The following CEBPZOS variants were observed in gnomAD, a reference collection of about 807,000 sequenced individuals.
CEBPZOS encodes protein CEBPZOS.
Under a neutral mutation model 4.8 loss-of-function variants are expected in CEBPZOS, and 10 were observed. The ratio of observed to expected loss-of-function variants is 2.07; its 90% CI spans 1.28 to 3.52. CEBPZOS has a LOEUF of 3.52. Among genes scored for constraint, CEBPZOS ranks in the 30% most tolerant of loss-of-function variants. CEBPZOS has a pLI of 0.00. For synonymous variants in CEBPZOS, 25 were observed against 14.2 expected, an observed-to-expected ratio of 1.77 and a Z score of -1.72; for missense variants, 98 against 43.6, an observed-to-expected ratio of 2.25 and a Z score of -3.51.
intron 4 of CEBPZOS, chr2:37,212,164 G>A (rs1489707099): frequency 2.0e-6 from 2 of 998,500 alleles, no homozygotes; most frequent in Non-Finnish European, 3.0e-6. Context: ...ACTGCTCAGA[G>A]TAAATAATAA....
chr2:37,214,863 T>C, downstream of CEBPZOS: 1 of 1,488,784 alleles, frequency 6.7e-7, no homozygotes, highest in Non-Finnish European at 9.2e-7. Context: ...TTTCCCCAAA[T>C]GAAACTATAT....
Position 37,201,692 on chromosome 2 carries a change from G to C in CEBPZOS, c.211G>C (p.Asp71His). The C allele has an allele frequency of 4.3e-6, 4 of 928,404 alleles. No individual in the cohort carries two copies. Among genetic ancestry groups the C allele is most frequent in the Non-Finnish European group, 6.9e-6 (4 of 577,462 alleles). The allele number at this position is 928,404 out of a possible 1,614,324, so 57.5% of individuals were successfully genotyped here. A position where few individuals can be genotyped will look rare whatever the true frequency, so the allele number is the denominator to read the frequency against. The stretch of plus-strand genomic sequence containing the variant: ...TGGAATGTATGGAATCAGAGAGCTA[G>C]ATCAAAAAACATGGTTGAACAGCAA... ...KSGMYGIREL[D>H]QKTWLNSKN is the part of the protein sequence containing the mutation. Residue 71 changes from aspartate (D) to histidine (H), a missense_variant, in exon 4 of 5, where the codon GAT (aspartate) becomes CAT (histidine). Physicochemically the swap from Asp to His is moderately conservative, Grantham distance 81 (BLOSUM62 -1). Coordinates refer to ENST00000402297, the MANE Select transcript of CEBPZOS (RefSeq NM_001322374.2).
At chr2:37,198,280 A>G (rs1449219591) in intron 1 of CEBPZOS, among the ~76,000 whole-genome samples, 1 of 152,100 alleles carries the variant, frequency 6.6e-6, no homozygotes, top group Non-Finnish European at 1.5e-5. Context: ...CCTTCCCACC[A>G]CTCAACTGCC....
At chr2:37,209,184 G>C (rs1470486695), downstream of CEBPZOS, 1 of 152,054 alleles carries the variant, frequency 6.6e-6, no homozygotes, top group South Asian at 2.1e-4. Context: ...GTTCATGGAT[G>C]GGTAGAATCG....
chr2:37,200,916 A>G (rs1677195964), intron 2 of CEBPZOS, 132 bp from the exon 3 acceptor site: 1 of 592,182 alleles, frequency 1.7e-6, no homozygotes, highest in Non-Finnish European at 3.1e-6. Flanking sequence ...ATTACCAGAA[A>G]GACCTTCAAA....
chr2:37,198,716 A>G (rs1677068874), intron 1 of CEBPZOS: 1 of 152,234 alleles, frequency 6.6e-6, no homozygotes, highest in Non-Finnish European at 1.5e-5. Context: ...TTAATTTGAA[A>G]AAGAATAATG....
At chr2:37,214,438 A>T (rs746522265), downstream of CEBPZOS, among the ~76,000 whole-genome samples, 2 of 152,156 alleles carry the variant, frequency 1.3e-5, no homozygotes, top group Non-Finnish European at 2.9e-5. Flanking sequence ...TAAATTACCC[A>T]TGAGTTATCA....
downstream of CEBPZOS, among the ~76,000 whole-genome samples, chr2:37,206,919 A>G (rs895174743): frequency 6.6e-6 from 1 of 152,258 alleles, no homozygotes; most frequent in South Asian, 2.1e-4. Context: ...CACGTAACAC[A>G]TAAGGACTCA....
In CEBPZOS at chr2:37,203,529, A is replaced by C. The variant is rs556405794; in HGVS notation, c.*1669A>C. ...CCTGAAACAATTATTCAAACTCTGCATCTTTGATATCAATGTCTCTAGCAG... is the reference window on the plus strand; with the variant it reads ...CCTGAAACAATTATTCAAACTCTGCCTCTTTGATATCAATGTCTCTAGCAG... On this transcript the variant is annotated 3_prime_UTR_variant, in exon 5 of 5. Transcript: ENST00000402297. 4 of 152,392 alleles carry C rather than the reference A, an allele frequency of 2.6e-5. No individual in the cohort carries two copies. The highest frequency in any genetic ancestry group is 2.6e-4 in the Admixed American group (4 of 15,302). 9.4% of individuals were successfully genotyped at this position (152,392 alleles called of 1,614,324 possible).
chr2:37,199,815 C>T lies in CEBPZOS; in HGVS notation c.111C>T (p.Ser37=). 2.8e-6 allele frequency: 2 copies of T among 717,356 alleles called. No individual in the cohort carries two copies. The highest frequency in any genetic ancestry group is 5.2e-6 in the Non-Finnish European group (2 of 384,946). 44.4% of individuals were successfully genotyped at this position (717,356 alleles called of 1,614,324 possible). ...TTTTGTTTAGCAAGATGCACACAAG[C>T]CAAGGTAATCATAATTCAGAAGTTA... ...AYFLFSKMHT[S]QDFRQTMSKK... The change falls in exon 2 of 5, where the codon AGC becomes AGT. Residue 37 remains serine, a synonymous_variant. Coordinates refer to ENST00000402297, the MANE Select transcript of CEBPZOS (RefSeq NM_001322374.2).
At chr2:37,214,001 G>A (rs779660801), downstream of CEBPZOS, 12 of 1,148,214 alleles carry the variant, frequency 1.0e-5, no homozygotes, top group South Asian at 2.0e-4. Context: ...TTTTATTAAA[G>A]GTCTAATCTT....
downstream of CEBPZOS, chr2:37,214,866 A>G: frequency 3.3e-6 from 5 of 1,512,138 alleles, no homozygotes; most frequent in Middle Eastern, 1.8e-4. Context: ...CCCCAAATGA[A>G]ACTATATTAT....
At position 37,204,030 on chromosome 2, in the gene CEBPZOS, AAT is replaced by A. The variant is rs1200481198; in HGVS notation, c.*2172_*2173del. On this transcript the variant is annotated 3_prime_UTR_variant, in exon 5 of 5. Transcript: ENST00000402297. Reference sequence around the variant, plus strand: ...TTTGTATCAGAGCCACTTTTGATAAAATAGTTTCTAAAACATTTCATCTTGAT... The same window carrying A: ...TTTGTATCAGAGCCACTTTTGATAAAAGTTTCTAAAACATTTCATCTTGAT... The A allele has an allele frequency of 6.6e-6, 1 of 152,208 alleles. No individual in the cohort carries two copies. Among genetic ancestry groups the A allele is most frequent in the Non-Finnish European group, 1.5e-5 (1 of 68,036 alleles). 9.4% of individuals were successfully genotyped at this position (152,208 alleles called of 1,614,324 possible).
intron 4 of CEBPZOS, chr2:37,212,581 T>C (rs934825482): frequency 1.8e-6 from 1 of 542,356 alleles, no homozygotes. Context: ...CTGATCTTAG[T>C]TAAATCCCAA....
intron 3 of CEBPZOS, 105 bp downstream of exon 3, chr2:37,201,197 A>G (rs568895073): frequency 1.6e-4 from 101 of 640,534 alleles, no homozygotes; most frequent in Non-Finnish European, 2.6e-4. Flanking sequence ...TACTATTCAC[A>G]TGTATTTTAG....
chr2:37,199,229 T>C (rs1443166102), intron 1 of CEBPZOS, among the ~76,000 whole-genome samples: 1 of 152,106 alleles, frequency 6.6e-6, no homozygotes, highest in Admixed American at 6.5e-5. Flanking sequence ...GTATATGTAA[T>C]AGTGTATGTT....
chr2:37,202,910 G>A lies in CEBPZOS; in HGVS notation c.*1050G>A. On this transcript the variant is annotated 3_prime_UTR_variant, in exon 5 of 5. Coordinates refer to ENST00000402297, the MANE Select transcript of CEBPZOS (RefSeq NM_001322374.2). ...AATTTATTAGAAAACTAAAAATAATGTAGAATAGCTAGCTTGTTAAAACAG... is the reference window on the plus strand; with the variant it reads ...AATTTATTAGAAAACTAAAAATAATATAGAATAGCTAGCTTGTTAAAACAG... 1 of 1,592,156 alleles carries A rather than the reference G, an allele frequency of 6.3e-7. No individual in the cohort carries two copies. Among genetic ancestry groups the A allele is most frequent in the Non-Finnish European group, 8.6e-7 (1 of 1,166,492 alleles).
At chr2:37,204,902 A>C (rs189012499), downstream of CEBPZOS, among the ~76,000 whole-genome samples, 1 of 152,110 alleles carries the variant, frequency 6.6e-6, no homozygotes, top group Non-Finnish European at 1.5e-5. Context: ...ACATTAAAAA[A>C]TTTTTTTCTT....
chr2:37,200,511 A>G (rs1287403553), intron 2 of CEBPZOS, among the ~76,000 whole-genome samples: 1 of 152,198 alleles, frequency 6.6e-6, no homozygotes, highest in African/African-American at 2.4e-5. Flanking sequence ...AACAGTATTT[A>G]AAAACAAATT....
Sources: gnomAD v4.1 joint callset for allele counts (sites outside exome capture counted in the v4.1 genomes callset) on GRCh38, gnomAD v4.1.1 for gene constraint, MANE v1.5 for transcripts, NCBI Gene and HGNC (gene_info 2026-07-23, HGNC 2026-07-21) for gene names.